Variants in HSPA12B observed in about 807,000 individuals in gnomAD.
The protein encoded by HSPA12B is heat shock 70 kDa protein 12B.
HSPA12B carries 54 observed loss-of-function variants against 69.3 expected under a neutral mutation model. The observed-to-expected ratio is 0.78, with a 90% confidence interval of 0.63 to 0.98. HSPA12B has a LOEUF of 0.98. Ranked by LOEUF, HSPA12B falls within the 50% of genes least tolerant of loss-of-function variation. The pLI is 0.00. For missense variants in HSPA12B, 929 were observed against 999.8 expected (o/e 0.93, Z 0.96); for synonymous variants, 441 against 436.5 (o/e 1.01, Z -0.13).
intron 1 of HSPA12B, among the ~76,000 whole-genome samples, chr20:3,735,463 CTT>C (rs34819658): frequency 0.026 from 3,602 of 138,940 alleles, 141 homozygotes; most frequent in African/African-American, 0.089. Flanking sequence ...AGGACTCAGT[CTT>C]TTTTTTTTTT....
chr20:3,751,132 T>C, intron 12 of HSPA12B: 2 of 681,850 alleles, frequency 2.9e-6, no homozygotes, highest in Non-Finnish European at 3.6e-6. Context: ...GTTTCCCCAT[T>C]TATAAAATGG....
chr20:3,738,701 G>A lies in HSPA12B; in HGVS notation c.27G>A (p.Leu9=), dbSNP rs1489224493. The change falls in exon 2 of 13, where the codon CTG becomes CTA. Residue 9 remains leucine (L), a synonymous_variant. Transcript: ENST00000254963. Reference sequence around the variant, plus strand: ...TGTTGGCTGTCCCGGAGATGGGCCTGCAGGGGCTGTACATCGGTAAGAACC... The same window carrying A: ...TGTTGGCTGTCCCGGAGATGGGCCTACAGGGGCTGTACATCGGTAAGAACC... MLAVPEMG[L]QGLYIGSSPE... The A allele has an allele frequency of 1.9e-6, 3 of 1,614,148 alleles. No homozygotes were observed. The highest frequency in any genetic ancestry group is 2.5e-6 in the Non-Finnish European group (3 of 1,180,026).
intron 7 of HSPA12B, among the ~76,000 whole-genome samples, chr20:3,746,895 A>G (rs935150718): frequency 5.4e-4 from 82 of 152,300 alleles, no homozygotes; most frequent in Non-Finnish European, 9.4e-4. Context: ...TATCCAGAGG[A>G]GGTAGCAGCT....
intron 4 of HSPA12B, among the ~76,000 whole-genome samples, chr20:3,743,122 G>A (rs1044080099): frequency 1.3e-5 from 2 of 150,772 alleles, no homozygotes; most frequent in African/African-American, 4.9e-5. Flanking sequence ...CTGACTTCGG[G>A]TGATCCGCCA....
At position 3,746,301 on chromosome 20, in the gene HSPA12B, C is replaced by CTT. The variant is rs11473544; in HGVS notation, c.675+290_675+291dup. 2.2e-3 allele frequency among the ~76,000 whole-genome samples: 193 copies of CTT among 89,232 alleles called. 16 individuals carry two copies. Among genetic ancestry groups the CTT allele is most frequent in the East Asian group, 6.4e-3 (16 of 2,506 alleles). The allele number at this position is 89,232 out of a possible 152,430, so 58.5% of individuals were successfully genotyped here. ...AAAAGCAGAGCCCAAGATGGAGAGT[C>CTT]TTTTTTTTTTTTTTTTTTTTTGAGA... is the stretch of plus-strand genomic sequence containing the variant. On this transcript the variant is annotated intron_variant, in intron 7 of 12. Coordinates refer to ENST00000254963, the MANE Select transcript of HSPA12B (RefSeq NM_052970.5).
intron 12 of HSPA12B, chr20:3,751,304 A>G: frequency 1.0e-6 from 1 of 985,398 alleles, no homozygotes; most frequent in Non-Finnish European, 1.2e-6. Flanking sequence ...AGAAGTGGGG[A>G]GCGTGAGTGT....
chr20:3,748,448 C>T (rs375559856), intron 8 of HSPA12B, 57 bp downstream of exon 8: 24 of 1,398,464 alleles, frequency 1.7e-5, no homozygotes, highest in Non-Finnish European at 2.2e-5. Context: ...TCACTGAAGC[C>T]AGAAGCTCAG....
rs2088127339 is a variant in HSPA12B, at chr20:3,737,519, T to C, written c.-17-1139T>C. ...CACTCCTCACCTAAGCTTACCTCCC[T>C]TGGGCCACTAAAACAGTGTTTCCAG... On this transcript the variant is annotated intron_variant, in intron 1 of 12. Transcript: ENST00000254963. The surrounding 1 kb of genome is among the most constrained non-coding windows in gnomAD (Gnocchi z 4.1). 6.6e-6 allele frequency among the ~76,000 whole-genome samples: 1 copy of C among 152,096 alleles called. No homozygotes were observed. The highest frequency in any genetic ancestry group is 6.6e-5 in the Admixed American group (1 of 15,262).
chr20:3,748,066 C>T (rs951487922), intron 7 of HSPA12B, 151 bp from the exon 8 acceptor site: 4 of 678,500 alleles, frequency 5.9e-6, no homozygotes, highest in African/African-American at 1.8e-5. Context: ...CAAATTTGTG[C>T]AGCACAGAGG....
At position 3,751,893 on chromosome 20, in the gene HSPA12B, G is replaced by A. The variant is rs759618148; in HGVS notation, c.1788G>A (p.Pro596=). ...AGGAGGTGCGGCGCAGCTACTGCCC[G>A]GCGCGTCCCGGCCAGCGGCGCGTAC... ...LGEEVRRSYC[P]ARPGQRRVLI... The change falls in exon 13 of 13, where the codon CCG becomes CCA. Residue 596 remains proline (P), a synonymous_variant. Coordinates refer to ENST00000254963, the MANE Select transcript of HSPA12B (RefSeq NM_052970.5). 6.4e-7 allele frequency: 1 copy of A among 1,569,542 alleles called. No individual in the cohort carries two copies. The highest frequency in any genetic ancestry group is 8.6e-7 in the Non-Finnish European group (1 of 1,163,480).
chr20:3,738,710 G>A lies in HSPA12B; in HGVS notation c.36G>A (p.Leu12=). Residue 12 remains leucine, a synonymous_variant, in exon 2 of 13, where the codon CTG becomes CTA. Coordinates refer to ENST00000254963, the MANE Select transcript of HSPA12B (RefSeq NM_052970.5). ...TCCCGGAGATGGGCCTGCAGGGGCTGTACATCGGTAAGAACCCCCACCATT... is the reference window on the plus strand; with the variant it reads ...TCCCGGAGATGGGCCTGCAGGGGCTATACATCGGTAAGAACCCCCACCATT... ...LAVPEMGLQG[L]YIGSSPERSP... is the part of the protein sequence containing the mutation. 4 of 1,614,158 alleles carry A rather than the reference G, an allele frequency of 2.5e-6. No individual in the cohort carries two copies. The highest frequency in any genetic ancestry group is 2.5e-6 in the Non-Finnish European group (3 of 1,180,018).
At chr20:3,747,176 G>A (rs1290666724) in intron 7 of HSPA12B, among the ~76,000 whole-genome samples, 1 of 152,172 alleles carries the variant, frequency 6.6e-6, no homozygotes, top group East Asian at 1.9e-4. Flanking sequence ...TCATTGCTTG[G>A]TCGTAACCCT....
Position 3,749,752 on chromosome 20 carries a change from G to C in HSPA12B, c.940G>C (p.Asp314His). ...TGTGCCCGCGCTCGCCGCCGCAGGA[G>C]ACCGCTACGTGGTGGCCGACTGCGG... ...GELWAEMQAG[D>H]RYVVADCGGG... Residue 314 changes from aspartate to histidine, a missense_variant and splice_region_variant, in exon 10 of 13, where the codon GAC becomes CAC. By Grantham distance (81) the Asp-to-His change is moderately conservative (BLOSUM62 -1). Coordinates refer to ENST00000254963, the MANE Select transcript of HSPA12B (RefSeq NM_052970.5). The surrounding 1 kb of genome is among the most constrained non-coding windows in gnomAD (Gnocchi z 5.5). 6.3e-7 allele frequency: 1 copy of C among 1,589,662 alleles called. No individual in the cohort carries two copies. Among genetic ancestry groups the C allele is most frequent in the Non-Finnish European group, 8.5e-7 (1 of 1,172,304 alleles).
rs757385008 is a variant in HSPA12B, at chr20:3,745,501, C to T, written c.462C>T (p.Thr154=). The T allele has an allele frequency of 1.9e-5, 31 of 1,613,756 alleles. 1 individual carries two copies. Among genetic ancestry groups the T allele is most frequent in the Non-Finnish European group, 6.8e-6 (8 of 1,179,776 alleles). Residue 154 remains threonine, a synonymous_variant, in exon 6 of 13, where the codon ACC becomes ACT. Transcript: ENST00000254963. The surrounding 1 kb of genome is among the most constrained non-coding windows in gnomAD (Gnocchi z 5.6). ...CCCTGTGTCCCTGCCAGGATCTCAC[C>T]TTGAAGACCCAGCTAGAGGCAGTAA... The part of the protein sequence containing the change: ...KMKIHSATDL[T]LKTQLEAVNG...
chr20:3,746,810 G>A (rs994307454), intron 7 of HSPA12B, among the ~76,000 whole-genome samples: 3 of 152,144 alleles, frequency 2.0e-5, no homozygotes, highest in African/African-American at 7.2e-5. Context: ...CATCCGTATC[G>A]GTCTGTCACT....
chr20:3,750,661 C>G, intron 11 of HSPA12B, 143 bp from the exon 12 acceptor site: 1 of 1,543,164 alleles, frequency 6.5e-7, no homozygotes, highest in Non-Finnish European at 8.7e-7. Flanking sequence ...TCCCGCAGGT[C>G]CAGTCCTCCA....
Position 3,752,011 on chromosome 20 carries a change from C to CCCG in HSPA12B, c.1910_1912dup (p.Ala637dup), listed in dbSNP as rs2088435205. 2 of 1,566,068 alleles carry CCCG rather than the reference C, an allele frequency of 1.3e-6. No homozygotes were observed. The highest frequency in any genetic ancestry group is 1.4e-5 in the African/African-American group (1 of 73,368). ...CGGCGCGCTCAGCCTCGAGCTTGAG[C>CCCG]CCGCCGACTGCGGCCAGGACACCGC... is the stretch of plus-strand genomic sequence containing the variant. On this transcript the variant is annotated inframe_insertion, in exon 13 of 13. Coordinates refer to ENST00000254963, the MANE Select transcript of HSPA12B (RefSeq NM_052970.5).
intron 7 of HSPA12B, among the ~76,000 whole-genome samples, chr20:3,747,129 G>T (rs994322646): frequency 3.9e-5 from 6 of 152,144 alleles, no homozygotes; most frequent in African/African-American, 9.7e-5. Context: ...AGTTGGGGGG[G>T]GCTCCCGTGG....
chr20:3,746,019 G>A lies in HSPA12B; in HGVS notation c.663G>A (p.Glu221=), dbSNP rs6052059. The stretch of plus-strand genomic sequence containing the variant: ...AGCCAGCCAAGCAGTTCATGCGGGA[G>A]GCTGCCTACCTGGTGAGGACGTGCA... ...WKQPAKQFMR[E]AAYLAGLVSR... is the part of the protein sequence containing the mutation. The change falls in exon 7 of 13, where the codon GAG becomes GAA. Residue 221 remains glutamate (E), a synonymous_variant. Transcript: ENST00000254963. 2.3e-4 allele frequency: 364 copies of A among 1,613,762 alleles called. 5 individuals are homozygous for A. Among genetic ancestry groups the A allele is most frequent in the Admixed American group, 1.6e-3 (94 of 60,022 alleles).
Sources: gnomAD v4.1 joint callset for allele counts (sites outside exome capture counted in the v4.1 genomes callset) on GRCh38, gnomAD v4.1.1 for gene constraint, Gnocchi (gnomAD v3.1) non-coding constraint, MANE v1.5 for transcripts, NCBI Gene and HGNC (gene_info 2026-07-23, HGNC 2026-07-21) for gene names.